Variants in LRMDA observed in about 807,000 individuals in gnomAD.
LRMDA encodes the protein leucine-rich melanocyte differentiation-associated protein.
In LRMDA, 18 loss-of-function variants were observed where a neutral mutation model predicts 29.8. That is an observed-to-expected ratio of 0.60 (90% CI 0.42 to 0.90). LRMDA has a LOEUF of 0.90. Among genes scored for constraint, LRMDA ranks in the 40% least tolerant of loss-of-function variants. The probability of loss-of-function intolerance (pLI) is 0.00; values close to 1 mark genes in which losing one functional copy is unlikely to be tolerated. For missense variants in LRMDA, 273 were observed against 273.9 expected (o/e 1.00, Z 0.02); for synonymous variants, 125 against 109.4 (o/e 1.14, Z -0.89).
intron 2 of LRMDA, among the ~76,000 whole-genome samples, chr10:75,780,589 T>C (rs556267976): frequency 9.2e-5 from 14 of 152,214 alleles, no homozygotes; most frequent in South Asian, 2.1e-4. Flanking sequence ...TCAGAGTCCA[T>C]AGAAATGCAA....
chr10:75,586,506 C>T (rs1046056540), intron 2 of LRMDA, among the ~76,000 whole-genome samples: 4 of 151,946 alleles, frequency 2.6e-5, no homozygotes, highest in Non-Finnish European at 4.4e-5. Context: ...CACAGGTATG[C>T]GCCACCATGC....
chr10:75,449,151 C>CAAAAAAAAA (rs779723533), intron 2 of LRMDA, among the ~76,000 whole-genome samples: 1 of 50,280 alleles, frequency 2.0e-5, no homozygotes. Context: ...GACTCCATCT[C>CAAAAAAAAA]AAAAAAAAAA....
intron 2 of LRMDA, among the ~76,000 whole-genome samples, chr10:75,702,219 A>G (rs781086224): frequency 5.9e-5 from 9 of 152,172 alleles, no homozygotes; most frequent in Non-Finnish European, 8.8e-5. Context: ...TTTAACTTGT[A>G]ATTATATATT....
chr10:75,796,205 A>G (rs1843649776), intron 2 of LRMDA, among the ~76,000 whole-genome samples: 1 of 152,188 alleles, frequency 6.6e-6, no homozygotes, highest in Non-Finnish European at 1.5e-5. Flanking sequence ...TGCCCTGGCC[A>G]GAGGTTCCAG....
chr10:75,778,073 C>T (rs1843335602), intron 2 of LRMDA, among the ~76,000 whole-genome samples: 1 of 151,986 alleles, frequency 6.6e-6, no homozygotes, highest in African/African-American at 2.4e-5. Context: ...TCTTGTCCAT[C>T]TATTTCTTTC....
At chr10:76,224,010 A>G (rs994746863) in intron 5 of LRMDA, among the ~76,000 whole-genome samples, 3 of 152,150 alleles carry the variant, frequency 2.0e-5, no homozygotes, top group South Asian at 2.1e-4. Flanking sequence ...TAGTTTCCCC[A>G]GGTATTCCTT....
At chr10:76,075,215 G>T (rs1222284172) in intron 5 of LRMDA, among the ~76,000 whole-genome samples, 1 of 152,252 alleles carries the variant, frequency 6.6e-6, no homozygotes, top group Non-Finnish European at 1.5e-5. Flanking sequence ...TTTGGAAGTA[G>T]AGAGCCTTTA....
At chr10:76,009,332 C>T (rs1038118733) in intron 2 of LRMDA, among the ~76,000 whole-genome samples, 3 of 152,138 alleles carry the variant, frequency 2.0e-5, no homozygotes, top group Non-Finnish European at 2.9e-5. Context: ...AACAAAAAAA[C>T]AACCTTATGT....
intron 5 of LRMDA, among the ~76,000 whole-genome samples, chr10:76,253,690 T>TA (rs1852528715): frequency 6.6e-6 from 1 of 152,206 alleles, no homozygotes; most frequent in African/African-American, 2.4e-5. Context: ...GTTCCTCCTT[T>TA]AAAAAATCAA....
intron 2 of LRMDA, among the ~76,000 whole-genome samples, chr10:75,677,589 T>C (rs942797294): frequency 2.0e-5 from 3 of 152,140 alleles, no homozygotes; most frequent in African/African-American, 7.2e-5. Flanking sequence ...AGACTTTTTA[T>C]ATGCAAAAAA....
intron 6 of LRMDA, among the ~76,000 whole-genome samples, chr10:76,366,141 T>C (rs935177770): frequency 1.3e-5 from 2 of 152,222 alleles, no homozygotes; most frequent in African/African-American, 2.4e-5. Context: ...TTGATGACTA[T>C]GGCCTTATAC....
chr10:76,155,038 G>T (rs943444913), intron 5 of LRMDA, among the ~76,000 whole-genome samples: 3 of 152,030 alleles, frequency 2.0e-5, no homozygotes, highest in Admixed American at 6.6e-5. Context: ...CTCTTTGCAT[G>T]TTCCCATCAA....
In LRMDA at chr10:76,407,087, G is replaced by A. The variant is rs367993691; in HGVS notation, c.601+82602G>A. ...AAAAGCTCATATGCACAGGAAGGATGGGAATGTAGGGCTGTGGACTAGGTG... is the reference window on the plus strand; with the variant it reads ...AAAAGCTCATATGCACAGGAAGGATAGGAATGTAGGGCTGTGGACTAGGTG... On this transcript the variant is annotated intron_variant, in intron 6 of 6. Coordinates refer to ENST00000611255, the MANE Select transcript of LRMDA (RefSeq NM_001305581.2). Among the ~76,000 whole-genome samples, 80 of 152,236 alleles carry A rather than the reference G, an allele frequency of 5.3e-4. 1 individual carries two copies. Among genetic ancestry groups the A allele is most frequent in the East Asian group, 5.2e-3 (27 of 5,156 alleles).
intron 5 of LRMDA, among the ~76,000 whole-genome samples, chr10:76,280,774 G>T (rs10509366): frequency 6.6e-6 from 1 of 151,746 alleles, no homozygotes; most frequent in Non-Finnish European, 1.5e-5. Context: ...GAAAACCTCC[G>T]TAAAATCAGC....
intron 6 of LRMDA, among the ~76,000 whole-genome samples, chr10:76,367,683 G>A (rs1841407339): frequency 6.6e-6 from 1 of 151,986 alleles, no homozygotes; most frequent in Non-Finnish European, 1.5e-5. Flanking sequence ...CCCGATCTTA[G>A]GTGATCCACC....
chr10:75,605,588 C>T (rs565701290), intron 2 of LRMDA, among the ~76,000 whole-genome samples: 126 of 152,342 alleles, frequency 8.3e-4, no homozygotes, highest in African/African-American at 2.5e-3. Flanking sequence ...CTTGTCCTAA[C>T]GCATCCTTTC....
At position 75,818,299 on chromosome 10, in the gene LRMDA, A is replaced by G. The variant is rs151173322; in HGVS notation, c.132-217709A>G. 6.3e-3 allele frequency among the ~76,000 whole-genome samples: 967 copies of G among 152,312 alleles called. 16 individuals carry two copies. The highest frequency in any genetic ancestry group is 0.022 in the African/African-American group (913 of 41,560). On this transcript the variant is annotated intron_variant, in intron 2 of 6. Transcript: ENST00000611255. ...TGCTCCCAGCCAGCTCTTGCAGGTC[A>G]TCTTGCCCCATCACTTAGTTTCACT... is the stretch of plus-strand genomic sequence containing the variant.
intron 5 of LRMDA, among the ~76,000 whole-genome samples, chr10:76,084,858 C>T (rs1223997399): frequency 6.6e-6 from 1 of 152,162 alleles, no homozygotes; most frequent in Non-Finnish European, 1.5e-5. Flanking sequence ...TCATTAATAG[C>T]AGGGGTGGGA....
intron 4 of LRMDA, among the ~76,000 whole-genome samples, chr10:76,051,095 G>A (rs889052565): frequency 6.6e-6 from 1 of 152,232 alleles, no homozygotes; most frequent in Non-Finnish European, 1.5e-5. Flanking sequence ...CCCAGTGTCT[G>A]CAGCACTCAG....
Sources: gnomAD v4.1 joint callset for allele counts (sites outside exome capture counted in the v4.1 genomes callset) on GRCh38, gnomAD v4.1.1 for gene constraint, MANE v1.5 for transcripts, NCBI Gene and HGNC (gene_info 2026-07-23, HGNC 2026-07-21) for gene names.